Variants in RALYL observed in about 807,000 individuals in gnomAD.
RALYL encodes RALY RNA binding protein like, also known as RNA-binding Raly-like protein.
A neutral mutation model predicts 35.1 loss-of-function variants in RALYL; 29 were observed. That is an observed-to-expected ratio of 0.83 (90% CI 0.61 to 1.13). The LOEUF is 1.13. Ranked by LOEUF, RALYL falls within the 50% of genes most tolerant of loss-of-function variation. The pLI is 0.00. For missense variants in RALYL, 359 were observed against 360.4 expected (o/e 1.00, Z 0.03); for synonymous variants, 120 against 127.6 (o/e 0.94, Z 0.40).
At chr8:84,193,673 A>G in intron 1 of RALYL, among the ~76,000 whole-genome samples, 1 of 152,314 alleles carries the variant, frequency 6.6e-6, no homozygotes, top group South Asian at 2.1e-4. Context: ...GTAGTAGGGA[A>G]TAAGCATGAA....
At chr8:84,621,403 T>A (rs1342067675) in intron 2 of RALYL, among the ~76,000 whole-genome samples, 3 of 152,158 alleles carry the variant, frequency 2.0e-5, no homozygotes, top group African/African-American at 7.2e-5. Context: ...GAAAGGGAAC[T>A]CCCTGACCCC....
intron 2 of RALYL, among the ~76,000 whole-genome samples, chr8:84,753,896 T>C (rs1032094821): frequency 3.9e-5 from 6 of 152,214 alleles, no homozygotes; most frequent in African/African-American, 1.4e-4. Flanking sequence ...CTAGTGATGA[T>C]GAGCATTTTT....
In RALYL at chr8:84,766,182, C is replaced by T. The variant is rs190946827; in HGVS notation, c.257-8397C>T. 6.6e-5 allele frequency among the ~76,000 whole-genome samples: 10 copies of T among 152,160 alleles called. No homozygotes were observed. In the East Asian group the frequency reaches 1.9e-3, roughly 29 times the overall value. Reference sequence around the variant, plus strand: ...TTTTCCTAAACATGTCAGGGTATCTCATAAAGCAGTATCCTAGAGGAGCTC... The same window carrying T: ...TTTTCCTAAACATGTCAGGGTATCTTATAAAGCAGTATCCTAGAGGAGCTC... On this transcript the variant is annotated intron_variant, in intron 2 of 8. Coordinates refer to ENST00000521268, the MANE Select transcript of RALYL (RefSeq NM_173848.7).
At chr8:84,598,175 T>C (rs1017004173) in intron 2 of RALYL, among the ~76,000 whole-genome samples, 2 of 152,156 alleles carry the variant, frequency 1.3e-5, no homozygotes, top group Non-Finnish European at 2.9e-5. Context: ...GCATTACTTA[T>C]TTATTTTTAG....
intron 2 of RALYL, among the ~76,000 whole-genome samples, chr8:84,698,819 A>T (rs183360023): frequency 6.6e-6 from 1 of 152,128 alleles, no homozygotes; most frequent in African/African-American, 2.4e-5. Context: ...GCCTTCCTCT[A>T]CTTCACGTGC....
chr8:84,270,960 AC>A (rs1206865021), intron 1 of RALYL, among the ~76,000 whole-genome samples: 2 of 152,160 alleles, frequency 1.3e-5, no homozygotes, highest in Admixed American at 1.3e-4. Context: ...GAATTCAGGA[AC>A]TAAAATTATG....
At chr8:84,609,703 C>T (rs887724204) in intron 2 of RALYL, among the ~76,000 whole-genome samples, 1 of 152,128 alleles carries the variant, frequency 6.6e-6, no homozygotes, top group Non-Finnish European at 1.5e-5. Context: ...CTATTATTAG[C>T]ATCTTATATT....
intron 1 of RALYL, among the ~76,000 whole-genome samples, chr8:84,513,883 G>A (rs2057827783): frequency 1.3e-5 from 2 of 151,838 alleles, no homozygotes; most frequent in African/African-American, 2.4e-5. Context: ...ATCACTTGAG[G>A]TCAGGAGTTC....
At chr8:84,424,567 A>G (rs375548537) in intron 1 of RALYL, among the ~76,000 whole-genome samples, 44 of 151,200 alleles carry the variant, frequency 2.9e-4, no homozygotes, top group Middle Eastern at 3.2e-3. Flanking sequence ...GTCATTCTCC[A>G]TCCAGCTTTG....
At chr8:84,777,353 C>A (rs2133639135) in intron 3 of RALYL, among the ~76,000 whole-genome samples, 1 of 152,300 alleles carries the variant, frequency 6.6e-6, no homozygotes, top group Admixed American at 6.5e-5. Context: ...CTATTACTGT[C>A]CATGAATACC....
intron 2 of RALYL, among the ~76,000 whole-genome samples, chr8:84,535,452 T>C (rs2059534670): frequency 6.6e-6 from 1 of 150,872 alleles, no homozygotes; most frequent in Non-Finnish European, 1.5e-5. Flanking sequence ...TTTTTTTTTT[T>C]TGAGACGGAG....
intron 2 of RALYL, among the ~76,000 whole-genome samples, chr8:84,611,237 TG>T (rs561461916): frequency 5.9e-4 from 90 of 152,290 alleles, no homozygotes; most frequent in Middle Eastern, 3.4e-3. Flanking sequence ...GTGATTTGAT[TG>T]ATGAAAGTGT....
intron 5 of RALYL, among the ~76,000 whole-genome samples, chr8:84,854,449 T>TG (rs1439405525): frequency 6.6e-6 from 1 of 152,182 alleles, no homozygotes; most frequent in East Asian, 1.9e-4. Flanking sequence ...AGAAACAAAC[T>TG]GGTTGGTCAG....
rs567291605 is a variant in RALYL at position 84,887,686 on chromosome 8, G to A, written c.768G>A (p.Glu256=). Residue 256 remains glutamate (E), a synonymous_variant, in exon 8 of 9, where the codon GAG becomes GAA. Coordinates refer to ENST00000521268, the MANE Select transcript of RALYL (RefSeq NM_173848.7). ...CAGAGATTGCAGATCACTCTACAGA[G>A]GAGCCTGCTGAAGGAGGGCCAGATG... is the stretch of plus-strand genomic sequence containing the variant. The part of the protein sequence containing the change: ...CVSEIADHST[E]EPAEGGPDAD... 21 of 1,613,866 alleles carry A rather than the reference G, an allele frequency of 1.3e-5. No homozygotes were observed. In the African/African-American group the frequency reaches 1.3e-4, roughly 10 times the overall value.
intron 2 of RALYL, among the ~76,000 whole-genome samples, chr8:84,707,818 G>A (rs1841481997): frequency 6.6e-6 from 1 of 152,040 alleles, no homozygotes; most frequent in South Asian, 2.1e-4. Context: ...AACAATATTT[G>A]CAAAAGTAGA....
intron 1 of RALYL, among the ~76,000 whole-genome samples, chr8:84,309,732 A>G (rs1430922692): frequency 6.6e-6 from 1 of 152,214 alleles, no homozygotes; most frequent in Non-Finnish European, 1.5e-5. Context: ...AAAAAAATAA[A>G]AAGCAAAACA....
chr8:84,506,874 C>G (rs949420373), intron 1 of RALYL, among the ~76,000 whole-genome samples: 4 of 151,988 alleles, frequency 2.6e-5, no homozygotes, highest in Admixed American at 1.3e-4. Context: ...ATATTTTGCT[C>G]TCTTCTGAAG....
intron 1 of RALYL, among the ~76,000 whole-genome samples, chr8:84,422,046 G>A (rs904050213): frequency 3.9e-5 from 6 of 152,016 alleles, no homozygotes; most frequent in Admixed American, 3.3e-4. Flanking sequence ...TTGGTATCAG[G>A]ATGATGCTGG....
chr8:84,448,093 C>T (rs207469476), intron 1 of RALYL, among the ~76,000 whole-genome samples: 2 of 151,710 alleles, frequency 1.3e-5, no homozygotes, highest in Non-Finnish European at 2.9e-5. Context: ...CATGAGTGAC[C>T]AGGGAATAAT....
Sources: allele counts gnomAD v4.1 joint callset (sites outside exome capture counted in the v4.1 genomes callset), GRCh38; gene constraint gnomAD v4.1.1; transcripts MANE v1.5; gene names NCBI Gene and HGNC (gene_info 2026-07-23, HGNC 2026-07-21).